The following TIAM2 variants were observed in gnomAD, a reference collection of about 807,000 sequenced individuals.
TIAM2 encodes the protein rho guanine nucleotide exchange factor TIAM2.
A neutral mutation model predicts 152.9 loss-of-function variants in TIAM2; 80 were observed. The ratio of observed to expected loss-of-function variants is 0.52; its 90% CI spans 0.44 to 0.63. TIAM2 has a LOEUF of 0.63. Among genes scored for constraint, TIAM2 ranks in the 30% least tolerant of loss-of-function variants. TIAM2 has a pLI of 0.00. For missense variants in TIAM2, 1,965 were observed against 2,120.1 expected (o/e 0.93, Z 1.44); for synonymous variants, 804 against 838.0 (o/e 0.96, Z 0.70).
At chr6:155,179,888 G>A (rs1006298488) in intron 12 of TIAM2, among the ~76,000 whole-genome samples, 2 of 152,122 alleles carry the variant, frequency 1.3e-5, no homozygotes, top group African/African-American at 4.8e-5. Flanking sequence ...CTGGTGACAT[G>A]AATCCTGCTG....
Position 155,149,054 on chromosome 6 carries a change from C to T in TIAM2, c.2028+720C>T, listed in dbSNP as rs191357826. 597 of 167,106 alleles carry T rather than the reference C, an allele frequency of 3.6e-3. 2 individuals carry two copies. The highest frequency in any genetic ancestry group is 6.0e-3 in the African/African-American group (248 of 41,520). The allele number at this position is 167,106 out of a possible 1,614,324, so 10.4% of individuals were successfully genotyped here. ...TTACTGGGAATGCTCTCAGGGACAA[C>T]GCCAGCCTGGAGTGAGGGAGCAGGA... On this transcript the variant is annotated intron_variant, in intron 7 of 26. Transcript: ENST00000682666.
intron 1 of TIAM2, among the ~76,000 whole-genome samples, chr6:155,067,514 A>G (rs189735368): frequency 2.6e-5 from 4 of 152,136 alleles, no homozygotes; most frequent in Non-Finnish European, 5.9e-5. Context: ...GCATGTTCTT[A>G]TATTCAGCTC....
At chr6:155,137,644 G>A in intron 5 of TIAM2, 32 bp downstream of exon 5, 1 of 1,523,368 alleles carries the variant, frequency 6.6e-7, no homozygotes, top group South Asian at 1.3e-5. Flanking sequence ...GAGGCCACTG[G>A]GGATTGTTTC....
intron 2 of TIAM2, among the ~76,000 whole-genome samples, chr6:155,118,359 C>T (rs1004878606): frequency 2.0e-5 from 3 of 152,002 alleles, no homozygotes; most frequent in Non-Finnish European, 4.4e-5. Flanking sequence ...TGTCTTTGAA[C>T]AAGCCATTTT....
rs111368091 is a variant in TIAM2, at chr6:155,199,628, G to A, written c.3065-11576G>A. 2.3e-3 allele frequency among the ~76,000 whole-genome samples: 343 copies of A among 152,206 alleles called. 1 individual carries two copies. Among genetic ancestry groups the A allele is most frequent in the African/African-American group, 8.0e-3 (332 of 41,526 alleles). ...TCTCTCTGAAATTCTTGTATTTAACGTGATTGAAGTGACAATATAAGAACT... is the reference window on the plus strand; with the variant it reads ...TCTCTCTGAAATTCTTGTATTTAACATGATTGAAGTGACAATATAAGAACT... On this transcript the variant is annotated intron_variant, in intron 14 of 26. Transcript: ENST00000682666.
intron 1 of TIAM2, among the ~76,000 whole-genome samples, chr6:155,070,209 CTTTTTTTTTTTTTT>C (rs559307371): frequency 1.4e-4 from 6 of 44,146 alleles, no homozygotes; most frequent in African/African-American, 4.8e-4. Context: ...CCTGGCCAGA[CTTTTTTTTTTTTTT>C]TTTTTTTTTT....
intron 3 of TIAM2, 149 bp downstream of exon 3, chr6:155,127,749 T>C (rs1779330447): frequency 2.6e-6 from 1 of 388,494 alleles, no homozygotes; most frequent in African/African-American, 2.1e-5. Flanking sequence ...ATTTAACTTC[T>C]GTTTTGTGGC....
chr6:155,056,604 A>G (rs575587472), intron 1 of TIAM2, among the ~76,000 whole-genome samples: 31 of 148,204 alleles, frequency 2.1e-4, no homozygotes, highest in African/African-American at 7.4e-4. Context: ...GATACCATTC[A>G]TTTATCTCTT....
At chr6:155,210,891 A>T (rs1167383970) in intron 14 of TIAM2, among the ~76,000 whole-genome samples, 1 of 152,234 alleles carries the variant, frequency 6.6e-6, no homozygotes, top group Non-Finnish European at 1.5e-5. Context: ...CAAATAAATT[A>T]GTTAAGACCA....
Position 155,183,341 on chromosome 6 carries a change from ACT to A in TIAM2, c.2908_2909del (p.Leu970AspfsTer19). 6.2e-7 allele frequency: 1 copy of A among 1,612,972 alleles called. No individual in the cohort carries two copies. ...GTTTTCTGAGAAGAGCGTCGGACTC[ACT>A]CTGATTGCCCGGCCTCCGGACACAA... ...ALFSEKSVGL[T>X]LIARPPDTKA... On this transcript the variant is annotated frameshift_variant, in exon 14 of 27. Transcript: ENST00000682666. LOFTEE classifies it high-confidence loss of function.
intron 2 of TIAM2, among the ~76,000 whole-genome samples, chr6:155,110,006 G>A (rs1048992177): frequency 1.3e-5 from 2 of 149,778 alleles, no homozygotes; most frequent in Non-Finnish European, 2.9e-5. Context: ...CTGGAGTGCA[G>A]TGGTGTAATC....
chr6:155,055,441 T>C (rs927634307), intron 1 of TIAM2, among the ~76,000 whole-genome samples: 3 of 152,242 alleles, frequency 2.0e-5, no homozygotes, highest in Non-Finnish European at 4.4e-5. Context: ...TATCATGTTA[T>C]GTCTTCAGTC....
intron 1 of TIAM2, among the ~76,000 whole-genome samples, chr6:155,021,640 C>T (rs749590343): frequency 4.6e-5 from 7 of 152,128 alleles, no homozygotes; most frequent in Non-Finnish European, 7.4e-5. Context: ...TCCAATCAAC[C>T]GTGCACAAGG....
intron 1 of TIAM2, among the ~76,000 whole-genome samples, chr6:155,050,277 C>T (rs950811976): frequency 1.3e-5 from 2 of 152,142 alleles, no homozygotes; most frequent in African/African-American, 4.8e-5. Context: ...CCACCTGCCT[C>T]AGCCTCCCAA....
intron 6 of TIAM2, 84 bp downstream of exon 6, chr6:155,144,862 G>T: frequency 1.4e-6 from 2 of 1,429,604 alleles, no homozygotes; most frequent in Non-Finnish European, 1.9e-6. Flanking sequence ...ACTTGGAAAT[G>T]AAATTGAATA....
chr6:155,084,586 A>AT (rs113604069), intron 1 of TIAM2, among the ~76,000 whole-genome samples: 4,560 of 151,896 alleles, frequency 0.03, 192 homozygotes, highest in Admixed American at 0.13. Flanking sequence ...CTGGCCATTG[A>AT]TTTTTTTTGG....
intron 2 of TIAM2, among the ~76,000 whole-genome samples, chr6:155,102,445 GA>G (rs958658696): frequency 6.1e-4 from 93 of 152,184 alleles, no homozygotes; most frequent in African/African-American, 2.2e-3. Context: ...TTGAAGAGAT[GA>G]ATTGCTAGCC....
intron 14 of TIAM2, among the ~76,000 whole-genome samples, chr6:155,206,397 G>A (rs957279815): frequency 2.0e-5 from 3 of 152,074 alleles, no homozygotes; most frequent in Non-Finnish European, 4.4e-5. Context: ...CACCAGGCCC[G>A]GCTAATTTTT....
chr6:155,169,897 A>C (rs6917674), intron 9 of TIAM2, among the ~76,000 whole-genome samples: 21,383 of 151,840 alleles, frequency 0.14, 1,669 homozygotes, highest in African/African-American at 0.2. Flanking sequence ...CGGCTCACTG[A>C]AACCTCTGCC....
Sources: allele counts gnomAD v4.1 joint callset (sites outside exome capture counted in the v4.1 genomes callset), GRCh38; gene constraint gnomAD v4.1.1; transcripts MANE v1.5; gene names NCBI Gene and HGNC (gene_info 2026-07-23, HGNC 2026-07-21).